IMMP2L: variants seen among roughly 807,000 people sequenced by gnomAD.
The protein encoded by IMMP2L is inner mitochondrial membrane peptidase subunit 2.
IMMP2L carries 18 observed loss-of-function variants against 19.3 expected under a neutral mutation model. That is an observed-to-expected ratio of 0.93 (90% CI 0.64 to 1.38). The LOEUF is 1.38. IMMP2L is among the 40% of genes most tolerant of loss of function. The pLI is 0.00. For missense variants in IMMP2L, 233 were observed against 218.2 expected, an observed-to-expected ratio of 1.07 and a Z score of -0.43; for synonymous variants, 76 against 73.0, an observed-to-expected ratio of 1.04 and a Z score of -0.21.
chr7:111,064,072 C>T (rs986989894), intron 3 of IMMP2L, among the ~76,000 whole-genome samples: 1 of 152,116 alleles, frequency 6.6e-6, no homozygotes, highest in African/African-American at 2.4e-5. Context: ...TGAAGACATA[C>T]CTGAGGCTGG....
chr7:111,022,373 C>T (rs1826372725), intron 3 of IMMP2L, among the ~76,000 whole-genome samples: 1 of 152,122 alleles, frequency 6.6e-6, no homozygotes, highest in South Asian at 2.1e-4. Context: ...AAACAAAACC[C>T]CAGCTTAATG....
intron 3 of IMMP2L, among the ~76,000 whole-genome samples, chr7:111,388,910 C>A (rs1380048406): frequency 1.3e-5 from 2 of 152,044 alleles, no homozygotes; most frequent in East Asian, 1.9e-4. Flanking sequence ...TATGTACATA[C>A]ATATATACAT....
chr7:111,008,992 G>A (rs79124097), intron 3 of IMMP2L, among the ~76,000 whole-genome samples: 5,903 of 152,060 alleles, frequency 0.039, 138 homozygotes, highest in Middle Eastern at 0.061. Context: ...TACATTGATT[G>A]TTTTCAAATT....
chr7:110,770,531 A>T (rs1399055723), intron 5 of IMMP2L, among the ~76,000 whole-genome samples: 1 of 152,160 alleles, frequency 6.6e-6, no homozygotes, highest in Non-Finnish European at 1.5e-5. Context: ...AGACCTTTAC[A>T]TTTCATGCAC....
intron 3 of IMMP2L, among the ~76,000 whole-genome samples, chr7:111,190,440 ATTT>A (rs1268458544): frequency 6.6e-6 from 1 of 152,152 alleles, no homozygotes; most frequent in Non-Finnish European, 1.5e-5. Flanking sequence ...AGGGAAAACT[ATTT>A]TTATTTTGCA....
intron 4 of IMMP2L, among the ~76,000 whole-genome samples, chr7:110,899,642 G>C (rs528336491): frequency 6.6e-6 from 1 of 152,240 alleles, no homozygotes; most frequent in South Asian, 2.1e-4. Flanking sequence ...TATGAATGTA[G>C]GGCAGTGAAT....
intron 3 of IMMP2L, among the ~76,000 whole-genome samples, chr7:111,306,604 CTCTGTG>C (rs1313312092): frequency 1.7e-5 from 2 of 117,416 alleles, no homozygotes; most frequent in Admixed American, 2.0e-4. Context: ...TATCACTGGA[CTCTGTG>C]TGTGTGTGTG....
chr7:110,791,831 C>T (rs1800477305), intron 5 of IMMP2L, among the ~76,000 whole-genome samples: 1 of 151,788 alleles, frequency 6.6e-6, no homozygotes, highest in South Asian at 2.1e-4. Flanking sequence ...ATCTGAGCAC[C>T]ATCATTTCCT....
chr7:110,882,452 C>T (rs1585127781), intron 5 of IMMP2L, among the ~76,000 whole-genome samples: 1 of 152,036 alleles, frequency 6.6e-6, no homozygotes, highest in East Asian at 1.9e-4. Flanking sequence ...GCAATCTCAG[C>T]TCACTGCAAC....
intron 5 of IMMP2L, among the ~76,000 whole-genome samples, chr7:110,713,627 G>A (rs972402044): frequency 5.4e-5 from 8 of 147,982 alleles, no homozygotes; most frequent in Non-Finnish European, 8.9e-5. Flanking sequence ...ATCTTCTATC[G>A]CCTTGGTTGG....
At position 110,998,558 on chromosome 7, in the gene IMMP2L, T is replaced by C. The variant is rs73714610; in HGVS notation, c.240-34993A>G. On this transcript the variant is annotated intron_variant, in intron 3 of 5. Coordinates refer to ENST00000405709, the MANE Select transcript of IMMP2L (RefSeq NM_032549.4). ...CAAAGTTTGCTAAGTTGGCAATATG[T>C]ACGCTGCTCTTTTGAATTTTGTATG... Among the ~76,000 whole-genome samples, 283 of 152,336 alleles carry C rather than the reference T, an allele frequency of 1.9e-3. 3 individuals carry two copies. Among genetic ancestry groups the C allele is most frequent in the African/African-American group, 6.5e-3 (269 of 41,592 alleles).
At chr7:111,296,940 G>C (rs755724199) in intron 3 of IMMP2L, among the ~76,000 whole-genome samples, 1 of 151,912 alleles carries the variant, frequency 6.6e-6, no homozygotes, top group Admixed American at 6.6e-5. Context: ...ACTTCAAAAG[G>C]TTATATTCTA....
At chr7:111,203,520 A>G (rs927612613) in intron 3 of IMMP2L, among the ~76,000 whole-genome samples, 21 of 151,362 alleles carry the variant, frequency 1.4e-4, no homozygotes, top group African/African-American at 5.1e-4. Context: ...AAAAGAAATA[A>G]TGTTTGGGAA....
intron 3 of IMMP2L, among the ~76,000 whole-genome samples, chr7:111,304,062 T>G (rs1267666494): frequency 6.6e-6 from 1 of 152,136 alleles, no homozygotes; most frequent in Non-Finnish European, 1.5e-5. Context: ...ACTGTTAATT[T>G]CATACACTAA....
chr7:111,257,083 T>G (rs1000730349), intron 3 of IMMP2L, among the ~76,000 whole-genome samples: 1 of 152,078 alleles, frequency 6.6e-6, no homozygotes. Context: ...GATCTTAATA[T>G]AATCTAACCA....
intron 3 of IMMP2L, among the ~76,000 whole-genome samples, chr7:111,481,648 G>T (rs1323651171): frequency 1.3e-5 from 2 of 148,748 alleles, no homozygotes; most frequent in Non-Finnish European, 3.0e-5. Context: ...CTCTGCCTTT[G>T]GACCTGATCA....
intron 3 of IMMP2L, among the ~76,000 whole-genome samples, chr7:111,328,695 G>C (rs918036164): frequency 6.6e-6 from 1 of 151,816 alleles, no homozygotes; most frequent in African/African-American, 2.4e-5. Flanking sequence ...AAGGGCAAGA[G>C]AGAGAGATGT....
intron 5 of IMMP2L, among the ~76,000 whole-genome samples, chr7:110,731,327 G>A (rs1796264288): frequency 6.6e-6 from 1 of 152,132 alleles, no homozygotes; most frequent in Admixed American, 6.5e-5. Flanking sequence ...GCCCAAGTGT[G>A]TATAGTGCTT....
intron 3 of IMMP2L, among the ~76,000 whole-genome samples, chr7:111,241,420 CA>C (rs1462165823): frequency 6.6e-6 from 1 of 151,890 alleles, no homozygotes; most frequent in Admixed American, 6.6e-5. Context: ...GATGAAAATA[CA>C]TATGCTCTGG....
Sources: allele counts gnomAD v4.1 joint callset (sites outside exome capture counted in the v4.1 genomes callset), GRCh38; gene constraint gnomAD v4.1.1; transcripts MANE v1.5; gene names NCBI Gene and HGNC (gene_info 2026-07-23, HGNC 2026-07-21).